The following ZPLD1 variants were observed in gnomAD, a reference collection of about 807,000 sequenced individuals.
The protein encoded by ZPLD1 is zona pellucida-like domain-containing protein 1.
ZPLD1 carries 34 observed loss-of-function variants against 47.2 expected under a neutral mutation model. The ratio of observed to expected loss-of-function variants is 0.72; its 90% CI spans 0.55 to 0.96. The LOEUF (loss-of-function observed/expected upper bound fraction) is 0.96, where lower values mean the gene tolerates loss of function less well. Among genes scored for constraint, ZPLD1 ranks in the 40% least tolerant of loss-of-function variants. The pLI is 0.00. For missense variants in ZPLD1, 512 were observed against 505.8 expected (o/e 1.01, Z -0.12); for synonymous variants, 176 against 186.2 (o/e 0.95, Z 0.45).
At chr3:102,400,494 C>T (rs1706607726) in intron 7 of ZPLD1, among the ~76,000 whole-genome samples, 1 of 151,902 alleles carries the variant, frequency 6.6e-6, no homozygotes, top group African/African-American at 2.4e-5. Flanking sequence ...GCCGGGGGTC[C>T]CTTTGCCGAA....
chr3:102,412,717 A>T (rs1286115806), intron 7 of ZPLD1, among the ~76,000 whole-genome samples: 1 of 151,740 alleles, frequency 6.6e-6, no homozygotes, highest in African/African-American at 2.4e-5. Flanking sequence ...CAAAGATAAA[A>T]TGGACTACCC....
chr3:102,446,362 G>A (rs910115297), intron 3 of ZPLD1, among the ~76,000 whole-genome samples: 3 of 152,146 alleles, frequency 2.0e-5, no homozygotes, highest in African/African-American at 7.2e-5. Flanking sequence ...TCTGTTTTAA[G>A]TTTATTTCTC....
chr3:102,457,885 C>G, intron 6 of ZPLD1, 32 bp downstream of exon 6: 2 of 1,607,940 alleles, frequency 1.2e-6, no homozygotes, highest in Non-Finnish European at 1.7e-6. Flanking sequence ...GTTATTTTCT[C>G]TTTCACTGTT....
intron 8 of ZPLD1, among the ~76,000 whole-genome samples, chr3:102,425,004 T>TTG (rs1706925800): frequency 6.6e-6 from 1 of 152,124 alleles, no homozygotes; most frequent in South Asian, 2.1e-4. Context: ...GGTTTTTTTT[T>TTG]TTGTTGTTGT....
chr3:102,457,738 C>A, intron 5 of ZPLD1, 43 bp from the exon 6 acceptor site: 1 of 1,586,486 alleles, frequency 6.3e-7, no homozygotes, highest in Non-Finnish European at 8.7e-7. Context: ...CACTTTTACT[C>A]TAAAATCTCA....
intron 8 of ZPLD1, among the ~76,000 whole-genome samples, chr3:102,420,925 ACTG>A (rs1265788420): frequency 3.3e-5 from 5 of 151,980 alleles, no homozygotes; most frequent in African/African-American, 1.2e-4. Flanking sequence ...TGTTATTTCT[ACTG>A]CTGTATCTGT....
chr3:102,434,958 C>A (rs1039931798), upstream of ZPLD1: 1 of 701,614 alleles, frequency 1.4e-6, no homozygotes, highest in Non-Finnish European at 2.4e-6. Flanking sequence ...TCTGGAATTG[C>A]ACCTGCCTAA....
chr3:102,401,282 A>G (rs1706617179), intron 7 of ZPLD1, among the ~76,000 whole-genome samples: 4 of 152,120 alleles, frequency 2.6e-5, no homozygotes, highest in Admixed American at 2.0e-4. Context: ...CATTGTGTGC[A>G]TCTCAAAAGA....
chr3:102,441,250 A>G (rs1200576108), intron 3 of ZPLD1, among the ~76,000 whole-genome samples: 1 of 152,250 alleles, frequency 6.6e-6, no homozygotes, highest in Non-Finnish European at 1.5e-5. Context: ...TAACTATGAC[A>G]GGAAAACGAA....
rs1707574404 is a variant in ZPLD1 at position 102,465,354 on chromosome 3, A to AG, written c.761+1103_761+1104insG. 2.6e-5 allele frequency among the ~76,000 whole-genome samples: 4 copies of AG among 152,182 alleles called. No individual in the cohort carries two copies. In the South Asian group the frequency reaches 8.3e-4, roughly 31 times the overall value. ...AAAGTTATGTATTAGATAGAAAAAA[A>AG]TGGTTGGCTTTCTCCTACCTTCTCC... On this transcript the variant is annotated intron_variant, in intron 8 of 11. Coordinates refer to ENST00000466937, the MANE Select transcript of ZPLD1 (RefSeq NM_001329788.2).
At chr3:102,439,071 G>A (rs1186153782) in intron 3 of ZPLD1, among the ~76,000 whole-genome samples, 2 of 152,108 alleles carry the variant, frequency 1.3e-5, no homozygotes, top group South Asian at 2.1e-4. Context: ...ACCCATCAAC[G>A]TTGTGACAAA....
chr3:102,477,327 GC>G, intron 11 of ZPLD1, 115 bp from the exon 12 acceptor site: 1 of 1,095,234 alleles, frequency 9.1e-7, no homozygotes. Flanking sequence ...ACAATTCAGT[GC>G]CATGCTGCTA....
At chr3:102,430,020 C>G (rs548092951), upstream of ZPLD1, among the ~76,000 whole-genome samples, 1 of 152,240 alleles carries the variant, frequency 6.6e-6, no homozygotes, top group East Asian at 1.9e-4. Flanking sequence ...TAATGCACCC[C>G]TAGTATTATA....
At chr3:102,458,525 C>A (rs1707454737) in intron 6 of ZPLD1, among the ~76,000 whole-genome samples, 1 of 152,104 alleles carries the variant, frequency 6.6e-6, no homozygotes, top group Admixed American at 6.5e-5. Context: ...AATCTATCAA[C>A]CAACATTTCT....
chr3:102,456,073 T>G, intron 4 of ZPLD1, 120 bp from the exon 5 acceptor site: 1 of 717,838 alleles, frequency 1.4e-6, no homozygotes, highest in South Asian at 3.9e-5. Flanking sequence ...CAAAACCTTC[T>G]CATTTTATAG....
Position 102,477,508 on chromosome 3 carries a change from A to G in ZPLD1, c.1138A>G (p.Ile380Val), listed in dbSNP as rs769587098. The change falls in exon 12 of 12, where the codon ATT becomes GTT. Residue 380 changes from isoleucine (I) to valine (V), a missense_variant. By Grantham distance (29) the Ile-to-Val change is conservative. Coordinates refer to ENST00000466937, the MANE Select transcript of ZPLD1 (RefSeq NM_001329788.2). ...ITSALISGMV[I>V]LGVTSFSLLL... ...CAGCGCACTGATATCAGGAATGGTC[A>G]TTCTGGGAGTTACGAGCTTTTCTCT... is the stretch of plus-strand genomic sequence containing the variant. 6.2e-7 allele frequency: 1 copy of G among 1,613,868 alleles called. No homozygotes were observed. Among genetic ancestry groups the G allele is most frequent in the African/African-American group, 1.3e-5 (1 of 75,026 alleles).
rs1400291886 is a variant in ZPLD1, at chr3:102,438,575, C to G, written c.88C>G (p.Leu30Val). The change falls in exon 3 of 12, where the codon CTC becomes GTC. Residue 30 changes from leucine (L) to valine (V), a missense_variant. Physicochemically the swap from Leu to Val is conservative, Grantham distance 32 (BLOSUM62 1). Transcript: ENST00000466937. Reference protein sequence around the residue: ...QFNGYNCDANLHSRFPAERDI... With the variant: ...QFNGYNCDANVHSRFPAERDI... ...CAACGGCTACAACTGTGATGCCAAC[C>G]TCCACAGTAGATTTCCTGGTAAGTG... The G allele has an allele frequency of 6.2e-7, 1 of 1,613,004 alleles. No homozygotes were observed. Among genetic ancestry groups the G allele is most frequent in the Admixed American group, 1.7e-5 (1 of 60,008 alleles).
intron 7 of ZPLD1, among the ~76,000 whole-genome samples, chr3:102,398,120 C>T (rs542220027): frequency 5.7e-4 from 86 of 152,064 alleles, no homozygotes; most frequent in African/African-American, 2.0e-3. Flanking sequence ...TAAATAAAAG[C>T]TTTGATTTTA....
At chr3:102,420,328 G>A (rs1706861869) in intron 8 of ZPLD1, among the ~76,000 whole-genome samples, 1 of 151,864 alleles carries the variant, frequency 6.6e-6, no homozygotes, top group Non-Finnish European at 1.5e-5. Flanking sequence ...GAAATACATT[G>A]TGTCCTGTCC....
Sources: allele counts gnomAD v4.1 joint callset (sites outside exome capture counted in the v4.1 genomes callset), GRCh38; gene constraint gnomAD v4.1.1; transcripts MANE v1.5; gene names NCBI Gene and HGNC (gene_info 2026-07-23, HGNC 2026-07-21).